The following RNF175 variants were observed in gnomAD, a reference collection of about 807,000 sequenced individuals.
RNF175 encodes the protein ring finger protein 175.
Under a neutral mutation model 50.0 loss-of-function variants are expected in RNF175, and 38 were observed. The observed-to-expected ratio is 0.76, with a 90% CI of 0.59 to 1.00. The LOEUF (loss-of-function observed/expected upper bound fraction) is 1.00. Ranked by LOEUF, RNF175 falls within the 50% of genes least tolerant of loss-of-function variation. The pLI, the probability that RNF175 is intolerant of heterozygous loss-of-function variation, is 0.00. For missense variants in RNF175, 388 were observed against 409.6 expected (o/e 0.95, Z 0.46); for synonymous variants, 155 against 146.1 (o/e 1.06, Z -0.44).
chr4:153,744,462 G>A (rs1739860017), intron 3 of RNF175, among the ~76,000 whole-genome samples: 1 of 152,132 alleles, frequency 6.6e-6, no homozygotes, highest in Non-Finnish European at 1.5e-5. Flanking sequence ...TGTTGCAGGA[G>A]TGGTGCGACA....
chr4:153,757,830 TA>T (rs1740635788), intron 1 of RNF175, among the ~76,000 whole-genome samples: 1 of 152,090 alleles, frequency 6.6e-6, no homozygotes, highest in Non-Finnish European at 1.5e-5. Context: ...CCAGGGGTTG[TA>T]GCTGGGGAGG....
rs1427338926 is a variant in RNF175, at chr4:153,748,766, T to C, written c.125A>G (p.Tyr42Cys). The C allele has an allele frequency of 6.2e-7, 1 of 1,612,356 alleles. No individual in the cohort carries two copies. The highest frequency in any genetic ancestry group is 8.5e-7 in the Non-Finnish European group (1 of 1,179,320). Residue 42 changes from tyrosine (Y) to cysteine (C), a missense_variant, in exon 3 of 9, where the codon TAC becomes TGC. Tyr to Cys is a radical substitution (Grantham distance 194, BLOSUM62 -2). Coordinates refer to ENST00000347063, the MANE Select transcript of RNF175 (RefSeq NM_173662.4). ...GGAATCGTGGCCCCGGTGCATCTTG[T>C]ACATCCTCTCCTGCTGCAGGCTGGA... ...DTWNLQQERM[Y>C]KMHRGHDSMH...
chr4:153,751,415 C>T (rs949760803), intron 2 of RNF175, 23 bp downstream of exon 2: 1 of 1,485,030 alleles, frequency 6.7e-7, no homozygotes, highest in Non-Finnish European at 9.1e-7. Flanking sequence ...CAAAACAACT[C>T]TTAAAAAATA....
intron 3 of RNF175, among the ~76,000 whole-genome samples, chr4:153,733,799 A>C (rs1394772515): frequency 2.0e-5 from 3 of 147,806 alleles, no homozygotes; most frequent in Non-Finnish European, 4.6e-5. Flanking sequence ...CAAATGCATA[A>C]TATATTGTAC....
intron 3 of RNF175, among the ~76,000 whole-genome samples, chr4:153,738,565 C>A (rs1739474517): frequency 6.6e-6 from 1 of 152,078 alleles, no homozygotes; most frequent in Non-Finnish European, 1.5e-5. Flanking sequence ...GTCCAGCTTT[C>A]TTTTGATTAG....
In RNF175 at chr4:153,715,509, A is replaced by G. The variant is rs762720766; in HGVS notation, c.764+20T>C. The G allele has an allele frequency of 3.8e-6, 6 of 1,565,436 alleles. No homozygotes were observed. The highest frequency in any genetic ancestry group is 2.4e-5 in the South Asian group (2 of 85,050). ...AAGGAGGCTTGATGAAGCCCAAACA[A>G]TTTCCTTTGAAAAGGATACACATGA... On this transcript the variant is annotated intron_variant, in intron 7 of 8. Transcript: ENST00000347063.
chr4:153,747,129 T>C (rs1394153217), intron 3 of RNF175, among the ~76,000 whole-genome samples: 1 of 152,204 alleles, frequency 6.6e-6, no homozygotes, highest in Non-Finnish European at 1.5e-5. Context: ...GTCACTGCAA[T>C]GCCTTCAGGG....
chr4:153,737,084 C>G (rs1739392512), intron 3 of RNF175, among the ~76,000 whole-genome samples: 1 of 152,208 alleles, frequency 6.6e-6, no homozygotes, highest in Admixed American at 6.5e-5. Flanking sequence ...GTCTTGAACA[C>G]TTGGCCTCAA....
intron 3 of RNF175, among the ~76,000 whole-genome samples, chr4:153,740,363 T>C (rs140815400): frequency 6.6e-6 from 1 of 152,322 alleles, no homozygotes; most frequent in Non-Finnish European, 1.5e-5. Context: ...AAGTACAATG[T>C]GATGTTTCTG....
At chr4:153,715,859 C>T (rs536499942) in intron 6 of RNF175, among the ~76,000 whole-genome samples, 197 bp from the exon 7 acceptor site, 7 of 151,842 alleles carry the variant, frequency 4.6e-5, no homozygotes, top group South Asian at 2.1e-4. Context: ...GTCAGGAGTT[C>T]GAGACCAGCG....
chr4:153,726,676 A>G (rs1738718932), intron 4 of RNF175, among the ~76,000 whole-genome samples: 1 of 152,220 alleles, frequency 6.6e-6, no homozygotes, highest in South Asian at 2.1e-4. Flanking sequence ...CTCACCTGTA[A>G]TACAATAATT....
intron 3 of RNF175, among the ~76,000 whole-genome samples, chr4:153,741,491 G>T (rs950540666): frequency 6.6e-5 from 10 of 152,194 alleles, no homozygotes; most frequent in Non-Finnish European, 1.5e-4. Flanking sequence ...CAATCCTTCA[G>T]AGTTACTACA....
chr4:153,740,901 G>A (rs985682502), intron 3 of RNF175, among the ~76,000 whole-genome samples: 5 of 152,206 alleles, frequency 3.3e-5, no homozygotes, highest in African/African-American at 1.2e-4. Context: ...TTTAATGTTT[G>A]CTGTAGTTGT....
At chr4:153,759,743 G>T in intron 1 of RNF175, 54 bp downstream of exon 1, 1 of 1,228,426 alleles carries the variant, frequency 8.1e-7, no homozygotes. Context: ...GCACCAGCGT[G>T]AGCCCCGGGA....
intron 3 of RNF175, among the ~76,000 whole-genome samples, chr4:153,738,561 C>G (rs1338297012): frequency 6.6e-6 from 1 of 152,130 alleles, no homozygotes; most frequent in Non-Finnish European, 1.5e-5. Flanking sequence ...GCTGGTCCAG[C>G]TTTCTTTTGA....
intron 3 of RNF175, 78 bp from the exon 4 acceptor site, chr4:153,728,439 A>G: frequency 7.9e-7 from 1 of 1,267,366 alleles, no homozygotes; most frequent in South Asian, 1.3e-5. Flanking sequence ...ATGAGTCTGA[A>G]GCATTGCTGG....
intron 3 of RNF175, among the ~76,000 whole-genome samples, chr4:153,743,636 G>A (rs11099897): frequency 0.47 from 70,918 of 151,686 alleles, 17,279 homozygotes; most frequent in East Asian, 0.82. Context: ...GATAACAGGC[G>A]CCTGGTCACC....
At chr4:153,759,728 GC>G in intron 1 of RNF175, 68 bp downstream of exon 1, 7 of 1,081,850 alleles carry the variant, frequency 6.5e-6, no homozygotes, top group Non-Finnish European at 8.9e-6. Context: ...TGTGCAGCCT[GC>G]CCGGCACCAG....
intron 3 of RNF175, among the ~76,000 whole-genome samples, chr4:153,733,239 A>G (rs981821422): frequency 6.6e-6 from 1 of 152,238 alleles, no homozygotes; most frequent in Non-Finnish European, 1.5e-5. Flanking sequence ...TGAATTATGC[A>G]TAAAAGAATG....
Sources: gnomAD v4.1 joint callset for allele counts (sites outside exome capture counted in the v4.1 genomes callset) on GRCh38, gnomAD v4.1.1 for gene constraint, MANE v1.5 for transcripts, NCBI Gene and HGNC (gene_info 2026-07-23, HGNC 2026-07-21) for gene names.